The following RPS15A variants were observed in gnomAD, a reference collection of about 807,000 sequenced individuals.
The protein encoded by RPS15A is ribosomal protein S15a.
For synonymous variants in RPS15A, 55 were observed against 58.5 expected, an observed-to-expected ratio of 0.94 and a Z score of 0.27; for missense variants, 62 against 163.4, an observed-to-expected ratio of 0.38 and a Z score of 3.38.
At position 18,788,983 on chromosome 16, in the gene RPS15A, T is replaced by C; in HGVS notation, c.131A>G (p.His44Arg). 2 of 1,612,154 alleles carry C rather than the reference T, an allele frequency of 1.2e-6. No individual in the cohort carries two copies. Among genetic ancestry groups the C allele is most frequent in the Non-Finnish European group, 8.5e-7 (1 of 1,179,388 alleles). The change falls in exon 2 of 5, where the codon CAT becomes CGT. Residue 44 changes from histidine to arginine, a missense_variant and splice_region_variant. By Grantham distance (29) the His-to-Arg change is conservative (BLOSUM62 0). Coordinates refer to ENST00000322989, the MANE Select transcript of RPS15A (RefSeq NM_001019.5). Reference protein sequence around the residue: ...IVRFLTVMMKHGYIGEFEIID... With the variant: ...IVRFLTVMMKRGYIGEFEIID... ...AAACACAGCGGCAGCAGACTTACCA[T>C]GCTTCATCATCACAGTGAGAAACCG... is the stretch of plus-strand genomic sequence containing the variant.
Position 18,782,863 on chromosome 16 carries a change from C to T in RPS15A, c.*146G>A, listed in dbSNP as rs1246634665. ...CTTTTTCCCTTGGCTGTATTAGTCA[C>T]TTCAGGGAATCGCATTCACCGATAA... On this transcript the variant is annotated 3_prime_UTR_variant, in exon 5 of 5. Transcript: ENST00000322989. 1 of 592,246 alleles carries T rather than the reference C, an allele frequency of 1.7e-6. No homozygotes were observed. The highest frequency in any genetic ancestry group is 1.9e-5 in the African/African-American group (1 of 53,588). The allele number at this position is 592,246 out of a possible 1,614,324, so 36.7% of individuals were successfully genotyped here.
At chr16:18,783,842 A>G (rs1249545095) in intron 4 of RPS15A, 3 of 389,522 alleles carry the variant, frequency 7.7e-6, no homozygotes, top group African/African-American at 2.1e-5. Context: ...GACTTGCCCA[A>G]GATCTCATGG....
intron 4 of RPS15A, chr16:18,784,162 G>A (rs377226015): frequency 2.9e-4 from 47 of 164,094 alleles, no homozygotes; most frequent in African/African-American, 8.6e-4. Context: ...AGGACTGCTC[G>A]AGGCCAAGAA....
intron 4 of RPS15A, chr16:18,784,458 G>T (rs1382305275): frequency 3.1e-6 from 1 of 321,180 alleles, no homozygotes; most frequent in African/African-American, 2.2e-5. Flanking sequence ...GTTGGTCAGG[G>T]TGGTCTCGAA....
chr16:18,788,442 C>A, intron 2 of RPS15A: 1 of 360,580 alleles, frequency 2.8e-6, no homozygotes, highest in Admixed American at 4.4e-5. Context: ...GTGCAATAAT[C>A]CAATCTTTCC....
intron 3 of RPS15A, chr16:18,785,666 G>A (rs903033471): frequency 6.6e-5 from 10 of 152,196 alleles, no homozygotes; most frequent in African/African-American, 1.7e-4. Flanking sequence ...ACTGCTCTAC[G>A]CCAGGAAGCC....
intron 3 of RPS15A, among the ~76,000 whole-genome samples, chr16:18,787,383 C>G (rs1338674870): frequency 1.3e-5 from 2 of 152,120 alleles, no homozygotes; most frequent in African/African-American, 4.8e-5. Flanking sequence ...TGCTACAAGT[C>G]TAAAACAATA....
intron 4 of RPS15A, 179 bp from the exon 5 acceptor site, chr16:18,783,281 C>T: frequency 3.6e-6 from 2 of 555,598 alleles, no homozygotes; most frequent in Non-Finnish European, 3.2e-6. Flanking sequence ...ACTCCTGCAA[C>T]CCAAAGAGCC....
intron 3 of RPS15A, 127 bp from the exon 4 acceptor site, chr16:18,784,950 C>G (rs1361598267): frequency 3.1e-5 from 21 of 686,716 alleles, no homozygotes; most frequent in Non-Finnish European, 3.7e-5. Context: ...CAGATGGGTA[C>G]TTATTCTGTG....
At chr16:18,784,866 A>C in intron 3 of RPS15A, 43 bp from the exon 4 acceptor site, 1 of 1,472,704 alleles carries the variant, frequency 6.8e-7, no homozygotes, top group Non-Finnish European at 9.4e-7. Context: ...TCACTTTACC[A>C]ATAACAGAAA....
Position 18,785,082 on chromosome 16 carries a change from C to T in RPS15A, c.214-259G>A, listed in dbSNP as rs1299180854. On this transcript the variant is annotated intron_variant, in intron 3 of 4. Transcript: ENST00000322989. ...ATACATGGCAGTGTCAGGCCACTGGCGTGCTCCCTGTTGGCTGGAGAGCTG... is the reference window on the plus strand; with the variant it reads ...ATACATGGCAGTGTCAGGCCACTGGTGTGCTCCCTGTTGGCTGGAGAGCTG... 1.1e-5 allele frequency: 4 copies of T among 368,034 alleles called. No homozygotes were observed. The East Asian group carries it at 1.5e-4, about 13-fold the overall frequency. 22.8% of individuals were successfully genotyped at this position (368,034 alleles called of 1,614,324 possible).
chr16:18,789,213 C>T (rs1397748159), intron 1 of RPS15A, 95 bp from the exon 2 acceptor site: 1 of 1,308,136 alleles, frequency 7.6e-7, no homozygotes, highest in African/African-American at 1.5e-5. Context: ...TCCTTTCTGG[C>T]CCCACCTTGG....
intron 2 of RPS15A, chr16:18,788,646 G>T (rs941397454): frequency 4.7e-6 from 1 of 212,698 alleles, no homozygotes; most frequent in Non-Finnish European, 9.4e-6. Context: ...CTGCCACCAC[G>T]ACCGGCTGAT....
intron 3 of RPS15A, among the ~76,000 whole-genome samples, 178 bp downstream of exon 3, chr16:18,787,885 G>A (rs2029921059): frequency 6.6e-6 from 1 of 152,174 alleles, no homozygotes; most frequent in Non-Finnish European, 1.5e-5. Flanking sequence ...CATAATCCTA[G>A]CACAATCAAC....
chr16:18,784,974 A>G lies in RPS15A; in HGVS notation c.214-151T>C, dbSNP rs1207033635. 6.9e-6 allele frequency: 4 copies of G among 579,474 alleles called. No individual in the cohort carries two copies. In the South Asian group the frequency reaches 9.3e-5, roughly 13 times the overall value. 35.9% of individuals were successfully genotyped at this position (579,474 alleles called of 1,614,324 possible). ...ACTTATTCTGTGCACAATGCTTGAC[A>G]TACTTTTCAAAAAATACACCTAAGT... On this transcript the variant is annotated intron_variant, in intron 3 of 4. Coordinates refer to ENST00000322989, the MANE Select transcript of RPS15A (RefSeq NM_001019.5).
chr16:18,788,156 C>G lies in RPS15A; in HGVS notation c.134-14G>C, dbSNP rs770363270. 3.2e-6 allele frequency: 5 copies of G among 1,543,452 alleles called. No individual in the cohort carries two copies. The South Asian group carries it at 5.6e-5, about 17-fold the overall frequency. On this transcript the variant is annotated splice_polypyrimidine_tract_variant and intron_variant, in intron 2 of 4. Coordinates refer to ENST00000322989, the MANE Select transcript of RPS15A (RefSeq NM_001019.5). ...CGCCAATGTAACCTACAAAAGATAA[C>G]TGACTGGATTAAATAAAAGACATCA...
chr16:18,788,940 G>C (rs1367193607), intron 2 of RPS15A, 41 bp downstream of exon 2: 1 of 1,588,370 alleles, frequency 6.3e-7, no homozygotes, highest in Non-Finnish European at 8.6e-7. Context: ...TTCTTAGAGA[G>C]TCTCACATGA....
At position 18,789,293 on chromosome 16, in the gene RPS15A, C is replaced by A. The variant is rs539045742; in HGVS notation, c.-5-175G>T. Among the ~76,000 whole-genome samples, 6 of 152,330 alleles carry A rather than the reference C, an allele frequency of 3.9e-5. No individual in the cohort carries two copies. In the South Asian group the frequency reaches 1.2e-3, roughly 32 times the overall value. Reference sequence around the variant, plus strand: ...CACCCAGGAAAATTCCTATTTACTACGGTTGTTGAAAACAGGTTATCGGGA... The same window carrying A: ...CACCCAGGAAAATTCCTATTTACTAAGGTTGTTGAAAACAGGTTATCGGGA... On this transcript the variant is annotated intron_variant, in intron 1 of 4. Transcript: ENST00000322989.
chr16:18,785,635 T>C (rs1045546808), intron 3 of RPS15A: 5 of 152,150 alleles, frequency 3.3e-5, no homozygotes, highest in African/African-American at 9.7e-5. Flanking sequence ...AAACTGAAAA[T>C]GGGCTTGTCA....
Sources: gnomAD v4.1 joint callset for allele counts (sites outside exome capture counted in the v4.1 genomes callset) on GRCh38, gnomAD v4.1.1 for gene constraint, MANE v1.5 for transcripts, NCBI Gene and HGNC (gene_info 2026-07-23, HGNC 2026-07-21) for gene names.